Variants in STPG4 observed in about 807,000 individuals in gnomAD.
The protein encoded by STPG4 is protein STPG4.
Under a neutral mutation model 31.5 loss-of-function variants are expected in STPG4, and 41 were observed. That is an observed-to-expected ratio of 1.30 (90% CI 1.01 to 1.69). The LOEUF is 1.69. STPG4 is among the 40% of genes most tolerant of loss of function. STPG4 has a pLI of 0.00. For synonymous variants in STPG4, 141 were observed against 103.0 expected, an observed-to-expected ratio of 1.37 and a Z score of -2.24; for missense variants, 375 against 293.4, an observed-to-expected ratio of 1.28 and a Z score of -2.03.
chr2:47,095,163 C>G (rs1180909693), intron 5 of STPG4, among the ~76,000 whole-genome samples: 2 of 152,166 alleles, frequency 1.3e-5, no homozygotes, highest in African/African-American at 4.8e-5. Context: ...CTGTCTCTCC[C>G]CAGTTTTTAA....
chr2:47,149,959 A>G (rs1042136685), intron 3 of STPG4, among the ~76,000 whole-genome samples: 7 of 152,158 alleles, frequency 4.6e-5, no homozygotes, highest in Non-Finnish European at 8.8e-5. Context: ...CGAGGGGCAC[A>G]TGGTAGACTG....
chr2:47,145,608 T>G (rs1686805919), intron 3 of STPG4, among the ~76,000 whole-genome samples: 1 of 152,208 alleles, frequency 6.6e-6, no homozygotes, highest in Non-Finnish European at 1.5e-5. Flanking sequence ...AATACACAGT[T>G]AAAGACAATC....
intron 5 of STPG4, among the ~76,000 whole-genome samples, chr2:47,098,695 T>G (rs1357306321): frequency 6.6e-6 from 1 of 150,586 alleles, no homozygotes; most frequent in Admixed American, 6.6e-5. Context: ...CTGAAATTAC[T>G]ACATGGGGTG....
At chr2:47,151,128 T>C (rs1330560106) in intron 3 of STPG4, 130 bp downstream of exon 3, 1 of 1,188,926 alleles carries the variant, frequency 8.4e-7, no homozygotes, top group South Asian at 1.6e-5. Flanking sequence ...GTTTGATTTC[T>C]ACGGGAAATA....
intron 5 of STPG4, among the ~76,000 whole-genome samples, chr2:47,128,369 A>C (rs1423217657): frequency 2.0e-5 from 3 of 152,130 alleles, no homozygotes; most frequent in Non-Finnish European, 4.4e-5. Context: ...CTCAAGGCCC[A>C]AAGGCTCTTC....
intron 4 of STPG4, 68 bp downstream of exon 4, chr2:47,130,128 A>T: frequency 6.6e-7 from 1 of 1,520,096 alleles, no homozygotes; most frequent in South Asian, 1.1e-5. Context: ...ATGAGGTTTA[A>T]AAGCCAGGAG....
intron 3 of STPG4, among the ~76,000 whole-genome samples, chr2:47,150,608 C>T (rs1451420660): frequency 2.0e-5 from 3 of 151,774 alleles, no homozygotes; most frequent in Non-Finnish European, 4.4e-5. Flanking sequence ...CTCAAACTCC[C>T]AGGCTCAAGG....
chr2:47,089,897 C>T (rs531227003), intron 6 of STPG4, among the ~76,000 whole-genome samples: 6 of 152,218 alleles, frequency 3.9e-5, no homozygotes, highest in African/African-American at 1.4e-4. Context: ...CCTTGGGCTC[C>T]CAGAAGCCAC....
intron 5 of STPG4, among the ~76,000 whole-genome samples, chr2:47,090,628 C>G (rs534565422): frequency 1.3e-4 from 20 of 152,302 alleles, no homozygotes; most frequent in African/African-American, 4.6e-4. Context: ...TGCCTCCCTT[C>G]TCCCTGCCAG....
intron 5 of STPG4, among the ~76,000 whole-genome samples, chr2:47,114,326 G>A (rs1278975503): frequency 6.6e-6 from 1 of 151,856 alleles, no homozygotes; most frequent in East Asian, 1.9e-4. Flanking sequence ...CCAACATGGT[G>A]AAATCCCATC....
intron 5 of STPG4, among the ~76,000 whole-genome samples, chr2:47,097,391 C>CA (rs547187458): frequency 2.0e-5 from 3 of 152,258 alleles, no homozygotes; most frequent in African/African-American, 7.2e-5. Flanking sequence ...GATGTCCCCC[C>CA]AAAATTCGTA....
chr2:47,120,427 A>C (rs942268530), intron 5 of STPG4, among the ~76,000 whole-genome samples: 1 of 152,048 alleles, frequency 6.6e-6, no homozygotes, highest in Non-Finnish European at 1.5e-5. Context: ...CACCTGAAAG[A>C]AATTTAGGAT....
At chr2:47,120,539 C>A (rs1686246898) in intron 5 of STPG4, among the ~76,000 whole-genome samples, 1 of 149,470 alleles carries the variant, frequency 6.7e-6, no homozygotes, top group Non-Finnish European at 1.5e-5. Context: ...TGCACTCCAG[C>A]CTGGGCGAAA....
At chr2:47,117,654 G>A (rs933260758) in intron 5 of STPG4, among the ~76,000 whole-genome samples, 6 of 152,200 alleles carry the variant, frequency 3.9e-5, no homozygotes, top group Non-Finnish European at 5.9e-5. Flanking sequence ...TATACACATT[G>A]GTTGGATAAC....
chr2:47,130,361 G>A (rs1686452966), intron 3 of STPG4, 101 bp from the exon 4 acceptor site: 1 of 909,870 alleles, frequency 1.1e-6, no homozygotes, highest in Non-Finnish European at 1.7e-6. Context: ...ATACAACATT[G>A]GATAATTCCT....
Position 47,129,926 on chromosome 2 carries a change from C to G in STPG4, c.519+15G>C, listed in dbSNP as rs1335272292. On this transcript the variant is annotated intron_variant, in intron 5 of 6. Coordinates refer to ENST00000445927, the MANE Select transcript of STPG4 (RefSeq NM_001163561.2). ...ATCAAATTCATCATGAGTTAACTGT[C>G]TACATTATACTTACGGGAATAAAAT... 1.9e-6 allele frequency: 3 copies of G among 1,611,162 alleles called. No individual in the cohort carries two copies. Among genetic ancestry groups the G allele is most frequent in the Admixed American group, 1.7e-5 (1 of 59,386 alleles).
Position 47,148,059 on chromosome 2 carries a change from C to T in STPG4, c.399+3199G>A, listed in dbSNP as rs992569127. On this transcript the variant is annotated intron_variant, in intron 3 of 6. Coordinates refer to ENST00000445927, the MANE Select transcript of STPG4 (RefSeq NM_001163561.2). ...CTCTACCTCCCGGGTTCAAGCAATT[C>T]TCGTGCCTCAGCCTACCAAGTAGCT... is the stretch of plus-strand genomic sequence containing the variant. 5.3e-5 allele frequency among the ~76,000 whole-genome samples: 8 copies of T among 151,530 alleles called. 1 individual carries two copies. Among genetic ancestry groups the T allele is most frequent in the Admixed American group, 5.3e-4 (8 of 15,184 alleles).
intron 1 of STPG4, 137 bp downstream of exon 1, chr2:47,155,034 C>A (rs1166033051): frequency 1.4e-6 from 1 of 721,764 alleles, no homozygotes; most frequent in Non-Finnish European, 2.4e-6. Flanking sequence ...TGGAGACGTG[C>A]GTGAGGGCAG....
chr2:47,123,252 T>C (rs1686309320), intron 5 of STPG4, among the ~76,000 whole-genome samples: 1 of 152,218 alleles, frequency 6.6e-6, no homozygotes. Context: ...CATTTGGAAA[T>C]ATTTAGAAAT....
Sources: allele counts gnomAD v4.1 joint callset (sites outside exome capture counted in the v4.1 genomes callset), GRCh38; gene constraint gnomAD v4.1.1; transcripts MANE v1.5; gene names NCBI Gene and HGNC (gene_info 2026-07-23, HGNC 2026-07-21).